PRKCG: variants seen among roughly 807,000 people sequenced by gnomAD.
PRKCG encodes the protein protein kinase C gamma.
A neutral mutation model predicts 82.0 loss-of-function variants in PRKCG; 28 were observed. The observed-to-expected ratio is 0.34, with a 90% CI of 0.25 to 0.47. The LOEUF is 0.47. Ranked by LOEUF, PRKCG falls within the 20% of genes least tolerant of loss-of-function variation. The probability of loss-of-function intolerance (pLI) is 1.00; values close to 1 mark genes in which losing one functional copy is unlikely to be tolerated. For missense variants in PRKCG, 640 were observed against 952.7 expected (o/e 0.67, Z 4.32); for synonymous variants, 383 against 376.6 (o/e 1.02, Z -0.20).
At chr19:53,899,679 C>T (rs572939430) in intron 11 of PRKCG, among the ~76,000 whole-genome samples, 1 of 152,172 alleles carries the variant, frequency 6.6e-6, no homozygotes, top group South Asian at 2.1e-4. Flanking sequence ...CTCCGCCTCC[C>T]GGGTTTAAGC....
chr19:53,901,222 T>G (rs307943), intron 14 of PRKCG, among the ~76,000 whole-genome samples: 128,871 of 152,178 alleles, frequency 0.85, 55,085 homozygotes, highest in African/African-American at 0.96. Flanking sequence ...GATGTAAGTG[T>G]ACTGGACTTC....
intron 9 of PRKCG, among the ~76,000 whole-genome samples, chr19:53,897,348 C>T (rs2068725026): frequency 6.6e-6 from 1 of 152,142 alleles, no homozygotes; most frequent in Admixed American, 6.5e-5. Context: ...GGCCCCCTCC[C>T]TGGGGGGCCG....
At position 53,907,609 on chromosome 19, in the gene PRKCG, C is replaced by A; in HGVS notation, c.*714C>A. On this transcript the variant is annotated 3_prime_UTR_variant, in exon 18 of 18. Transcript: ENST00000263431. ...TCCTCTTCCCTTAGCCTCTCCCACC[C>A]GGCCACAGCTGCTGGAGAATAAATT... 1 of 153,294 alleles carries A rather than the reference C, an allele frequency of 6.5e-6. No homozygotes were observed. 9.5% of individuals were successfully genotyped at this position (153,294 alleles called of 1,614,324 possible).
intron 9 of PRKCG, among the ~76,000 whole-genome samples, chr19:53,897,381 G>A (rs2068725458): frequency 6.6e-6 from 1 of 152,084 alleles, no homozygotes; most frequent in Non-Finnish European, 1.5e-5. Flanking sequence ...GTAGAGAAGG[G>A]ACCCTAGCTG....
rs2068688871 is a variant in PRKCG at position 53,892,792 on chromosome 19, G to GTACA, written c.821+149_821+150insTACA. The GTACA allele has an allele frequency of 1.0e-5, 10 of 956,984 alleles. No individual in the cohort carries two copies. The Admixed American group carries it at 2.2e-4, about 21-fold the overall frequency. The allele number at this position is 956,984 out of a possible 1,614,324, so 59.3% of individuals were successfully genotyped here. On this transcript the variant is annotated intron_variant, in intron 7 of 17. Transcript: ENST00000263431. This position sits in a 1 kb window ranked among gnomAD's most constrained non-coding sequence, Gnocchi z 5.9. Reference sequence around the variant, plus strand: ...CACACACACACACACGCACACACACGCACACACCCCTCTCTCTCTATTCTT... The same window carrying GTACA: ...CACACACACACACACGCACACACACGTACACACACACCCCTCTCTCTCTATTCTT...
intron 9 of PRKCG, among the ~76,000 whole-genome samples, chr19:53,894,358 C>A (rs951262009): frequency 1.3e-5 from 2 of 152,216 alleles, no homozygotes; most frequent in African/African-American, 4.8e-5. Context: ...AGCCACCACA[C>A]CCAGCCGATT....
Position 53,898,642 on chromosome 19 carries a change from G to C in PRKCG, c.1281+14G>C, listed in dbSNP as rs369396941. 32 of 1,561,692 alleles carry C rather than the reference G, an allele frequency of 2.0e-5. No individual in the cohort carries two copies. In the East Asian group the frequency reaches 4.8e-4, roughly 24 times the overall value. On this transcript the variant is annotated intron_variant, in intron 11 of 17. Transcript: ENST00000263431. The stretch of plus-strand genomic sequence containing the variant: ...TTCCAGACCCCGGTAAGGATGGAGG[G>C]GGCGGAGGCTGTCCTCCGGGCCCTG...
At position 53,890,088 on chromosome 19, in the gene PRKCG, G is replaced by T. The variant is rs998785309; in HGVS notation, c.529+71G>T. The T allele has an allele frequency of 1.4e-5, 21 of 1,490,528 alleles. No individual in the cohort carries two copies. The Admixed American group carries it at 4.0e-4, about 28-fold the overall frequency. 92.3% of individuals were successfully genotyped at this position (1,490,528 alleles called of 1,614,324 possible). A position where few individuals can be genotyped will look rare whatever the true frequency, so the allele number is the denominator to read the frequency against. On this transcript the variant is annotated intron_variant, in intron 5 of 17. Transcript: ENST00000263431. ...GAGGCGGGGCTGACCCAAGGCACTT[G>T]TGCTGGCCCAGCCCTACCCCAAAGA...
At chr19:53,890,748 A>ATT (rs540543756) in intron 5 of PRKCG, among the ~76,000 whole-genome samples, 11 of 119,780 alleles carry the variant, frequency 9.2e-5, no homozygotes, top group East Asian at 2.4e-4. Context: ...CATCCGGCTA[A>ATT]TTTTTTTTTT....
rs2068611197 is a variant in PRKCG, at chr19:53,883,713, C to A, written c.203-448C>A. Among the ~76,000 whole-genome samples the A allele has an allele frequency of 6.6e-6, 1 of 151,276 alleles. No individual in the cohort carries two copies. Among genetic ancestry groups the A allele is most frequent in the Non-Finnish European group, 1.5e-5 (1 of 67,792 alleles). ...AGAGTGAGTCAGGGTGGGGGGCGGGCCGGCAGCAGCGCCCCCAGACTCACT... is the reference window on the plus strand; with the variant it reads ...AGAGTGAGTCAGGGTGGGGGGCGGGACGGCAGCAGCGCCCCCAGACTCACT... On this transcript the variant is annotated intron_variant, in intron 2 of 17. Transcript: ENST00000263431. This position sits in a 1 kb window ranked among gnomAD's most constrained non-coding sequence, Gnocchi z 5.4.
At chr19:53,890,403 C>T (rs1352435946) in intron 5 of PRKCG, among the ~76,000 whole-genome samples, 5 of 151,364 alleles carry the variant, frequency 3.3e-5, no homozygotes, top group Non-Finnish European at 5.9e-5. Flanking sequence ...ATTACAGGCG[C>T]GTGTCACCAA....
At chr19:53,891,059 C>T (rs1238697588) in intron 5 of PRKCG, among the ~76,000 whole-genome samples, 1 of 151,668 alleles carries the variant, frequency 6.6e-6, no homozygotes, top group Non-Finnish European at 1.5e-5. Flanking sequence ...CAATGGCTTT[C>T]TGGGTATAAG....
At chr19:53,882,058 C>T (rs1016681519), upstream of PRKCG, among the ~76,000 whole-genome samples, 1 of 152,106 alleles carries the variant, frequency 6.6e-6, no homozygotes, top group Non-Finnish European at 1.5e-5. The surrounding 1 kb of genome is among the most constrained non-coding windows in gnomAD (Gnocchi z 6.1). Context: ...CTCCAGCCAG[C>T]CCCCGGAGTG....
intron 14 of PRKCG, among the ~76,000 whole-genome samples, chr19:53,901,334 A>G (rs1034167574): frequency 1.3e-5 from 2 of 151,926 alleles, no homozygotes; most frequent in Non-Finnish European, 2.9e-5. Context: ...ACTTGAGGTC[A>G]GGAGTTTGAG....
At position 53,893,617 on chromosome 19, in the gene PRKCG, T is replaced by C. The variant is rs140790830; in HGVS notation, c.939+226T>C. Among the ~76,000 whole-genome samples, 1,261 of 152,184 alleles carry C rather than the reference T, an allele frequency of 8.3e-3. 6 individuals carry two copies. Among genetic ancestry groups the C allele is most frequent in the Non-Finnish European group, 0.011 (766 of 68,014 alleles). ...CACAGATACTTAAAATACAGGAAGA[T>C]GTGCTAAATTAGAGGTAGCCCAGGG... On this transcript the variant is annotated intron_variant, in intron 9 of 17. Transcript: ENST00000263431.
rs1368359572 is a variant in PRKCG at position 53,892,566 on chromosome 19, C to T, written c.744C>T (p.Asp248=). Residue 248 remains aspartate, a synonymous_variant, in exon 7 of 18, where the codon GAC becomes GAT. Coordinates refer to ENST00000263431, the MANE Select transcript of PRKCG (RefSeq NM_002739.5). This position sits in a 1 kb window ranked among gnomAD's most constrained non-coding sequence, Gnocchi z 5.9. ...TCAGCGTGGAGGTGTGGGACTGGGA[C>T]CGGACCTCCCGCAACGACTTCATGG... ...RRLSVEVWDW[D]RTSRNDFMGA... The T allele has an allele frequency of 6.2e-7, 1 of 1,613,588 alleles. No individual in the cohort carries two copies. The highest frequency in any genetic ancestry group is 1.6e-4 in the Middle Eastern group (1 of 6,062).
rs1482654557 is a variant in PRKCG, at chr19:53,884,354, C to T, written c.285+111C>T. On this transcript the variant is annotated intron_variant, in intron 3 of 17. Coordinates refer to ENST00000263431, the MANE Select transcript of PRKCG (RefSeq NM_002739.5). This position sits in a 1 kb window ranked among gnomAD's most constrained non-coding sequence, Gnocchi z 4.6. Reference sequence around the variant, plus strand: ...TTTTATGGCTGGGAGGGGAGGGGGGCTGGAGAGATAGGGGGAGCTATCTGG... The same window carrying T: ...TTTTATGGCTGGGAGGGGAGGGGGGTTGGAGAGATAGGGGGAGCTATCTGG... The T allele has an allele frequency of 3.1e-5, 33 of 1,068,936 alleles. No homozygotes were observed. Among genetic ancestry groups the T allele is most frequent in the Non-Finnish European group, 4.0e-5 (28 of 700,860 alleles). 66.2% of individuals were successfully genotyped at this position (1,068,936 alleles called of 1,614,324 possible).
upstream of PRKCG, among the ~76,000 whole-genome samples, chr19:53,881,198 A>G (rs1044479623): frequency 6.6e-6 from 1 of 152,136 alleles, no homozygotes; most frequent in Non-Finnish European, 1.5e-5. Context: ...GGAACCAGAG[A>G]GATATAGGAA....
At chr19:53,886,983 T>C (rs1339529778) in intron 3 of PRKCG, among the ~76,000 whole-genome samples, 1 of 152,216 alleles carries the variant, frequency 6.6e-6, no homozygotes, top group Non-Finnish European at 1.5e-5. Context: ...TTTTTATTCT[T>C]GTTAAAATTA....
Sources: gnomAD v4.1 joint callset for allele counts (sites outside exome capture counted in the v4.1 genomes callset) on GRCh38, gnomAD v4.1.1 for gene constraint, Gnocchi (gnomAD v3.1) non-coding constraint, MANE v1.5 for transcripts, NCBI Gene and HGNC (gene_info 2026-07-23, HGNC 2026-07-21) for gene names.